PPHLN1: variants seen among roughly 807,000 people sequenced by gnomAD.
PPHLN1 encodes periphilin 1, also known as periphilin-1.
A neutral mutation model predicts 51.3 loss-of-function variants in PPHLN1; 29 were observed. The ratio of observed to expected loss-of-function variants is 0.57; its 90% confidence interval spans 0.42 to 0.77. The LOEUF is 0.77. Among genes scored for constraint, PPHLN1 ranks in the 30% least tolerant of loss-of-function variants. PPHLN1 has a pLI of 0.00. For synonymous variants in PPHLN1, 147 were observed against 147.8 expected (o/e 0.99, Z 0.04); for missense variants, 436 against 438.4 (o/e 0.99, Z 0.05).
chr12:42,409,641 A>G (rs551071796), intron 9 of PPHLN1, among the ~76,000 whole-genome samples: 2 of 151,994 alleles, frequency 1.3e-5, no homozygotes, highest in Admixed American at 6.5e-5. Context: ...CAGCAAATAT[A>G]GTGTATTTCC....
chr12:42,444,881 T>C (rs1323519268), downstream of PPHLN1: 2 of 581,618 alleles, frequency 3.4e-6, no homozygotes, highest in Non-Finnish European at 6.1e-6. Flanking sequence ...CTCGTAAAAA[T>C]GGAAAAGCGG....
At position 42,426,876 on chromosome 12, in the gene PPHLN1, G is replaced by C. The variant is rs185359591; in HGVS notation, c.910-14439G>C. Among the ~76,000 whole-genome samples, 550 of 152,220 alleles carry C rather than the reference G, an allele frequency of 3.6e-3. 5 individuals carry two copies. The highest frequency in any genetic ancestry group is 0.013 in the African/African-American group (533 of 41,544). On this transcript the variant is annotated intron_variant, in intron 9 of 9. Coordinates refer to ENST00000358314, the MANE Select transcript of PPHLN1 (RefSeq NM_201439.2). ...GCGACCTATATATTGAATTGTCTCTGACCTCTTTGGTGGTAGATGAGCTGG... is the reference window on the plus strand; with the variant it reads ...GCGACCTATATATTGAATTGTCTCTCACCTCTTTGGTGGTAGATGAGCTGG...
At chr12:42,430,809 CTCTT>C (rs1294835902) in intron 9 of PPHLN1, among the ~76,000 whole-genome samples, 7 of 152,124 alleles carry the variant, frequency 4.6e-5, no homozygotes. Flanking sequence ...ACTGTGTTAT[CTCTT>C]TTTTTTGGAA....
chr12:42,366,553 G>A (rs1478567293), intron 4 of PPHLN1, among the ~76,000 whole-genome samples: 1 of 150,486 alleles, frequency 6.6e-6, no homozygotes, highest in African/African-American at 2.4e-5. Flanking sequence ...TTTTGTTTTT[G>A]TTTTTGTTTT....
chr12:42,437,474 CT>C (rs1475385815), intron 9 of PPHLN1, among the ~76,000 whole-genome samples: 2 of 152,048 alleles, frequency 1.3e-5, no homozygotes, highest in African/African-American at 4.8e-5. Context: ...GTTAAGAAAC[CT>C]TTTTTTCTTT....
intron 7 of PPHLN1, among the ~76,000 whole-genome samples, chr12:42,393,040 T>C (rs1452977247): frequency 1.1e-4 from 16 of 152,202 alleles, no homozygotes; most frequent in Non-Finnish European, 5.9e-5. Context: ...TTGTTTAGTA[T>C]TGTGTGCAGT....
At chr12:42,417,529 G>A (rs1241605849) in intron 9 of PPHLN1, among the ~76,000 whole-genome samples, 1 of 152,094 alleles carries the variant, frequency 6.6e-6, no homozygotes, top group South Asian at 2.1e-4. Flanking sequence ...GAGAGACTAA[G>A]GAGTTAATAG....
chr12:42,428,196 T>C (rs1438082741), intron 9 of PPHLN1, among the ~76,000 whole-genome samples: 1 of 152,218 alleles, frequency 6.6e-6, no homozygotes, highest in Non-Finnish European at 1.5e-5. Context: ...TGGAAAACGG[T>C]GTGGAGATTC....
Position 42,441,896 on chromosome 12 carries a change from T to G in PPHLN1, c.*387T>G. 1 of 990,038 alleles carries G rather than the reference T, an allele frequency of 1.0e-6. No homozygotes were observed. The highest frequency in any genetic ancestry group is 1.2e-6 in the Non-Finnish European group (1 of 831,856). 61.3% of individuals were successfully genotyped at this position (990,038 alleles called of 1,614,324 possible). A position where few individuals can be genotyped will look rare whatever the true frequency, so the allele number is the denominator to read the frequency against. Reference sequence around the variant, plus strand: ...ACTTGTTGCTTGCTTTTTCTTAGGCTTTGTAACTTGTAATATGTTAAAGTG... The same window carrying G: ...ACTTGTTGCTTGCTTTTTCTTAGGCGTTGTAACTTGTAATATGTTAAAGTG... On this transcript the variant is annotated 3_prime_UTR_variant, in exon 10 of 10. Coordinates refer to ENST00000358314, the MANE Select transcript of PPHLN1 (RefSeq NM_201439.2).
intron 2 of PPHLN1, among the ~76,000 whole-genome samples, chr12:42,350,464 G>C (rs1445349847): frequency 6.7e-6 from 1 of 149,986 alleles, no homozygotes; most frequent in African/African-American, 2.5e-5. Flanking sequence ...AGGAAGAGGC[G>C]CTCCTCACTT....
At chr12:42,374,440 A>AT (rs33995811) in intron 4 of PPHLN1, among the ~76,000 whole-genome samples, 135,173 of 150,788 alleles carry the variant, frequency 0.9, 60,736 homozygotes, top group East Asian at 1. Flanking sequence ...AAGAGTACAA[A>AT]TTTTTTTTTC....
At chr12:42,414,204 T>G (rs1190334748) in intron 9 of PPHLN1, among the ~76,000 whole-genome samples, 1 of 151,988 alleles carries the variant, frequency 6.6e-6, no homozygotes, top group Non-Finnish European at 1.5e-5. Context: ...CCGGCTTATT[T>G]TTGTATTTTT....
At chr12:42,327,244 G>C (rs776914907) in intron 1 of PPHLN1, among the ~76,000 whole-genome samples, 2 of 152,130 alleles carry the variant, frequency 1.3e-5, no homozygotes, top group Non-Finnish European at 2.9e-5. Flanking sequence ...CACCCCATCT[G>C]TGCTTTCTGA....
chr12:42,374,216 G>A (rs1485527999), intron 4 of PPHLN1, among the ~76,000 whole-genome samples: 1 of 152,110 alleles, frequency 6.6e-6, no homozygotes, highest in African/African-American at 2.4e-5. Context: ...TAGCTGTGTG[G>A]TGTATTGTTA....
At chr12:42,326,657 T>C (rs902009603) in intron 1 of PPHLN1, among the ~76,000 whole-genome samples, 4 of 151,988 alleles carry the variant, frequency 2.6e-5, no homozygotes, top group African/African-American at 7.3e-5. Context: ...TTGGGGAGAG[T>C]TGGATTCACA....
chr12:42,402,492 G>A (rs544659110), intron 9 of PPHLN1, among the ~76,000 whole-genome samples: 9 of 151,976 alleles, frequency 5.9e-5, no homozygotes, highest in Admixed American at 1.3e-4. Context: ...CCATTTGTGC[G>A]ACTATATGGG....
intron 9 of PPHLN1, among the ~76,000 whole-genome samples, chr12:42,413,695 CG>C (rs1241110327): frequency 2.0e-5 from 3 of 151,534 alleles, no homozygotes; most frequent in Non-Finnish European, 2.9e-5. Flanking sequence ...TGGAGTAGCT[CG>C]GATTACAGGC....
chr12:42,409,690 A>G (rs1477927560), intron 9 of PPHLN1, among the ~76,000 whole-genome samples: 1 of 151,988 alleles, frequency 6.6e-6, no homozygotes, highest in African/African-American at 2.4e-5. Flanking sequence ...AACTGCTTTA[A>G]GGTTTTTTTT....
intron 7 of PPHLN1, among the ~76,000 whole-genome samples, chr12:42,389,003 C>T (rs1198347859): frequency 6.6e-6 from 1 of 152,126 alleles, no homozygotes; most frequent in African/African-American, 2.4e-5. Context: ...CTTTGGGAGG[C>T]TGAGGCGGGT....
Sources: gnomAD v4.1 joint callset for allele counts (sites outside exome capture counted in the v4.1 genomes callset) on GRCh38, gnomAD v4.1.1 for gene constraint, MANE v1.5 for transcripts, NCBI Gene and HGNC (gene_info 2026-07-23, HGNC 2026-07-21) for gene names.